CUX1: variants seen among roughly 807,000 people sequenced by gnomAD.
The protein encoded by CUX1 is protein CASP.
Under a neutral mutation model 158.8 loss-of-function variants are expected in CUX1, and 31 were observed. The observed-to-expected ratio is 0.20, with a 90% CI of 0.15 to 0.26. CUX1 has a LOEUF of 0.26. CUX1 is among the 10% of genes least tolerant of loss of function. The pLI is 1.00. For synonymous variants in CUX1, 879 were observed against 862.1 expected, an observed-to-expected ratio of 1.02 and a Z score of -0.34; for missense variants, 1,589 against 2,014.6, an observed-to-expected ratio of 0.79 and a Z score of 4.04.
At chr7:102,175,146 T>C (rs546092046) in intron 10 of CUX1, among the ~76,000 whole-genome samples, 22 of 152,344 alleles carry the variant, frequency 1.4e-4, no homozygotes, top group African/African-American at 4.8e-5. Flanking sequence ...CTTGTGGCCA[T>C]GCCCAGCCGG....
chr7:101,836,161 T>C (rs913000697), intron 1 of CUX1, among the ~76,000 whole-genome samples: 1 of 152,244 alleles, frequency 6.6e-6, no homozygotes, highest in African/African-American at 2.4e-5. Context: ...CCCTGCATTG[T>C]TGCATTTTGG....
intron 14 of CUX1, among the ~76,000 whole-genome samples, chr7:102,272,809 C>T (rs1448791426): frequency 2.0e-5 from 3 of 152,200 alleles, no homozygotes; most frequent in African/African-American, 7.2e-5. Flanking sequence ...GCCACCCCAA[C>T]CACTGCAGCT....
intron 3 of CUX1, among the ~76,000 whole-genome samples, chr7:102,067,209 T>A (rs1222099356): frequency 6.7e-6 from 1 of 149,496 alleles, no homozygotes; most frequent in Non-Finnish European, 1.5e-5. Flanking sequence ...TGTTTGCCTG[T>A]GTGTCTGCAT....
At chr7:102,061,490 C>T (rs1436558798) in intron 3 of CUX1, among the ~76,000 whole-genome samples, 1 of 152,170 alleles carries the variant, frequency 6.6e-6, no homozygotes, top group Non-Finnish European at 1.5e-5. Context: ...CAAGGGCTGC[C>T]ACGGCTTTGA....
At chr7:101,938,257 C>T (rs900659635) in intron 2 of CUX1, among the ~76,000 whole-genome samples, 3 of 151,998 alleles carry the variant, frequency 2.0e-5, no homozygotes, top group Non-Finnish European at 4.4e-5. Flanking sequence ...GGACCACAGG[C>T]GTGTGCCACC....
At chr7:101,863,753 C>G (rs1487875013) in intron 1 of CUX1, among the ~76,000 whole-genome samples, 1 of 152,190 alleles carries the variant, frequency 6.6e-6, no homozygotes, top group Non-Finnish European at 1.5e-5. Context: ...CACTTTGTCT[C>G]TATGCCTTTG....
At position 102,239,426 on chromosome 7, in the gene CUX1, G is replaced by A. The variant is rs1554534075; in HGVS notation, c.3729G>A (p.Gln1243=). Residue 1243 remains glutamine, a synonymous_variant, in exon 23 of 24, where the codon CAG becomes CAA. Transcript: ENST00000292535. ...SQGASPQPQH[Q]LKKPRVVLAP... ...GCGCCAGCCCCCAGCCCCAGCACCA[G>A]CTGAAGAAACCCCGGGTGGTGCTGG... 3 of 1,613,920 alleles carry A rather than the reference G, an allele frequency of 1.9e-6. No individual in the cohort carries two copies. In the South Asian group the frequency reaches 3.3e-5, roughly 18 times the overall value.
At chr7:102,087,257 A>G (rs1311437777) in intron 4 of CUX1, among the ~76,000 whole-genome samples, 7 of 152,024 alleles carry the variant, frequency 4.6e-5, no homozygotes, top group South Asian at 2.1e-4. Context: ...CTTATTAGCT[A>G]TAACTCTTAT....
intron 1 of CUX1, among the ~76,000 whole-genome samples, chr7:101,849,583 A>T (rs1338684546): frequency 1.3e-5 from 2 of 152,020 alleles, no homozygotes; most frequent in Non-Finnish European, 2.9e-5. Context: ...TCCATTATTG[A>T]TGGGCATTTA....
At position 102,228,757 on chromosome 7, in the gene CUX1, C is replaced by T. The variant is rs571425311; in HGVS notation, c.3433+1088C>T. On this transcript the variant is annotated intron_variant, in intron 21 of 23. Transcript: ENST00000292535. Reference sequence around the variant, plus strand: ...AGGCTGCAGTGAGCTATGACCATGCCACTGTACTTCAGCCTGGACAACACA... The same window carrying T: ...AGGCTGCAGTGAGCTATGACCATGCTACTGTACTTCAGCCTGGACAACACA... 4.1e-4 allele frequency among the ~76,000 whole-genome samples: 62 copies of T among 152,240 alleles called. No homozygotes were observed. In the South Asian group the frequency reaches 5.0e-3, roughly 12 times the overall value.
intron 4 of CUX1, among the ~76,000 whole-genome samples, chr7:102,086,611 T>C (rs1827978378): frequency 6.6e-6 from 1 of 151,790 alleles, no homozygotes; most frequent in South Asian, 2.1e-4. Context: ...ATGGCTTTTT[T>C]CGTTGTTTTT....
Position 102,254,397 on chromosome 7 carries a change from A to G in CUX1, c.*5355A>G, listed in dbSNP as rs1466353073. On this transcript the variant is annotated 3_prime_UTR_variant, in exon 24 of 24. Transcript: ENST00000292535. ...TGCGAACACTCCTTTGCAAACATCA[A>G]ACATCTCAAAGACGGAAAAGGATAG... is the stretch of plus-strand genomic sequence containing the variant. 2 of 985,240 alleles carry G rather than the reference A, an allele frequency of 2.0e-6. No individual in the cohort carries two copies. The highest frequency in any genetic ancestry group is 6.2e-5 in the Admixed American group (1 of 16,254). The allele number at this position is 985,240 out of a possible 1,614,324, so 61.0% of individuals were successfully genotyped here. A position where few individuals can be genotyped will look rare whatever the true frequency, so the allele number is the denominator to read the frequency against.
Position 102,251,725 on chromosome 7 carries a change from T to C in CUX1, c.*2683T>C. On this transcript the variant is annotated 3_prime_UTR_variant, in exon 24 of 24. Coordinates refer to ENST00000292535, the MANE Select transcript of CUX1 (RefSeq NM_181552.4). Reference sequence around the variant, plus strand: ...CTGTGGTGTCCTCTCCACAAAACCCTCAAGGGACTTTTGTCATCATGTGTG... The same window carrying C: ...CTGTGGTGTCCTCTCCACAAAACCCCCAAGGGACTTTTGTCATCATGTGTG... 3.0e-6 allele frequency: 3 copies of C among 985,354 alleles called. No individual in the cohort carries two copies. The highest frequency in any genetic ancestry group is 3.6e-6 in the Non-Finnish European group (3 of 829,898). The allele number at this position is 985,354 out of a possible 1,614,324, so 61.0% of individuals were successfully genotyped here. A position where few individuals can be genotyped will look rare whatever the true frequency, so the allele number is the denominator to read the frequency against.
At chr7:102,038,478 G>A (rs1821698055) in intron 3 of CUX1, among the ~76,000 whole-genome samples, 1 of 152,188 alleles carries the variant, frequency 6.6e-6, no homozygotes, top group Non-Finnish European at 1.5e-5. Context: ...ATAATAACCA[G>A]GGATATGCAG....
Position 102,060,608 on chromosome 7 carries a change from A to ACACACACACACACACACACACAC in CUX1, c.190-9731_190-9730insCACACACACACACACACACACAC. On this transcript the variant is annotated intron_variant, in intron 3 of 23. Transcript: ENST00000292535. ...ATATATATATACACACACACAAATA[A>ACACACACACACACACACACACAC]ACACACACACACACACACACACACA... 3.0e-5 allele frequency among the ~76,000 whole-genome samples: 4 copies of ACACACACACACACACACACACAC among 133,306 alleles called. No individual in the cohort carries two copies. The East Asian group carries it at 6.9e-4, about 23-fold the overall frequency. The allele number at this position is 133,306 out of a possible 152,430, so 87.5% of individuals were successfully genotyped here. A position where few individuals can be genotyped will look rare whatever the true frequency, so the allele number is the denominator to read the frequency against.
At chr7:101,947,193 C>T (rs767922989) in intron 2 of CUX1, among the ~76,000 whole-genome samples, 5 of 151,936 alleles carry the variant, frequency 3.3e-5, no homozygotes, top group Non-Finnish European at 7.4e-5. Flanking sequence ...GTTGGGAGAC[C>T]GGCCTTGGCA....
At chr7:102,015,388 C>T (rs1818471690) in intron 2 of CUX1, among the ~76,000 whole-genome samples, 1 of 152,024 alleles carries the variant, frequency 6.6e-6, no homozygotes, top group Admixed American at 6.6e-5. Context: ...CCACCATGCC[C>T]AGCTAATTTT....
At chr7:102,238,360 G>C (rs1554533597) in intron 22 of CUX1, among the ~76,000 whole-genome samples, 1 of 152,212 alleles carries the variant, frequency 6.6e-6, no homozygotes, top group Non-Finnish European at 1.5e-5. Context: ...TGGTGGCCCT[G>C]TCTGGGCATA....
chr7:102,046,569 A>ATTGTTTTTTTTTTTTTTTTT (rs1822831756), intron 3 of CUX1, among the ~76,000 whole-genome samples: 1 of 55,466 alleles, frequency 1.8e-5, no homozygotes, highest in Non-Finnish European at 3.2e-5. Flanking sequence ...TTTGGTTTGG[A>ATTGTTTTTTTTTTTTTTTTT]TTTTTTTTTT....
Sources: allele counts gnomAD v4.1 joint callset (sites outside exome capture counted in the v4.1 genomes callset), GRCh38; gene constraint gnomAD v4.1.1; transcripts MANE v1.5; gene names NCBI Gene and HGNC (gene_info 2026-07-23, HGNC 2026-07-21).